The following MET variants were observed in gnomAD, a reference collection of about 807,000 sequenced individuals.
MET encodes MET proto-oncogene, receptor tyrosine kinase.
In MET, 48 loss-of-function variants were observed where a neutral mutation model predicts 133.1. The ratio of observed to expected loss-of-function variants is 0.36; its 90% CI spans 0.29 to 0.46. The LOEUF (loss-of-function observed/expected upper bound fraction) is 0.46. Among genes scored for constraint, MET ranks in the 20% least tolerant of loss-of-function variants. The pLI is 1.00. For synonymous variants in MET, 628 were observed against 616.5 expected (o/e 1.02, Z -0.28); for missense variants, 1,442 against 1,695.9 (o/e 0.85, Z 2.63).
At chr7:116,754,923 G>GA (rs768842447) in intron 5 of MET, among the ~76,000 whole-genome samples, 4 of 142,276 alleles carry the variant, frequency 2.8e-5, no homozygotes, top group African/African-American at 1.0e-4. Flanking sequence ...AAGAAAGAAA[G>GA]AAAGAAAGAA....
At chr7:116,754,893 G>GAGAAAGATAGAAAGAA (rs1794071292) in intron 5 of MET, among the ~76,000 whole-genome samples, 3 of 97,446 alleles carry the variant, frequency 3.1e-5, no homozygotes, top group Admixed American at 2.5e-4. Flanking sequence ...GAGAGAAAGA[G>GAGAAAGATAGAAAGAA]AGAAAGAAAG....
At chr7:116,770,787 A>T (rs534864019) in intron 12 of MET, among the ~76,000 whole-genome samples, 29 of 152,262 alleles carry the variant, frequency 1.9e-4, no homozygotes, top group African/African-American at 7.0e-4. Flanking sequence ...CTTTTTGTGG[A>T]TGAATAATAT....
intron 2 of MET, among the ~76,000 whole-genome samples, chr7:116,729,249 G>T (rs1040175213): frequency 1.3e-5 from 2 of 152,170 alleles, no homozygotes; most frequent in Non-Finnish European, 1.5e-5. Flanking sequence ...CAAAGTAAAT[G>T]ACTAGACCTA....
intron 2 of MET, among the ~76,000 whole-genome samples, chr7:116,715,307 G>A: frequency 6.6e-6 from 1 of 152,218 alleles, no homozygotes; most frequent in East Asian, 1.9e-4. Context: ...TCCCTCTGGA[G>A]GCTCTAGGGA....
At chr7:116,717,902 TA>T (rs1327033566) in intron 2 of MET, among the ~76,000 whole-genome samples, 4 of 152,028 alleles carry the variant, frequency 2.6e-5, no homozygotes, top group Non-Finnish European at 4.4e-5. Context: ...TTTCTTTTTA[TA>T]AAAAAAGCTA....
chr7:116,731,032 G>C (rs1313150532), intron 2 of MET, among the ~76,000 whole-genome samples: 1 of 152,092 alleles, frequency 6.6e-6, no homozygotes, highest in Non-Finnish European at 1.5e-5. Context: ...AGCTCTATAA[G>C]GTAAGTACTA....
At chr7:116,767,975 T>A (rs1203117590) in intron 11 of MET, among the ~76,000 whole-genome samples, 1 of 52,694 alleles carries the variant, frequency 1.9e-5, no homozygotes, top group African/African-American at 9.1e-5. Flanking sequence ...TATATATATA[T>A]GTGTGTGTGT....
rs147691094 is a variant in MET at position 116,762,455 on chromosome 7, A to T, written c.2365-595A>T. On this transcript the variant is annotated intron_variant, in intron 10 of 20. Transcript: ENST00000397752. The stretch of plus-strand genomic sequence containing the variant: ...TAAAGTATTTTGCACAGAACCTGGC[A>T]TTCAATAATTAATAGCTTAAAAGAC... Among the ~76,000 whole-genome samples the T allele has an allele frequency of 7.7e-3, 1,180 of 152,342 alleles. 20 individuals are homozygous for T. The highest frequency in any genetic ancestry group is 0.026 in the African/African-American group (1,091 of 41,578).
At chr7:116,687,682 C>G (rs1172919110) in intron 1 of MET, among the ~76,000 whole-genome samples, 1 of 152,188 alleles carries the variant, frequency 6.6e-6, no homozygotes, top group African/African-American at 2.4e-5. Context: ...TTAGTTCATA[C>G]CAGTGTCAGA....
intron 2 of MET, among the ~76,000 whole-genome samples, chr7:116,727,135 G>C (rs530304125): frequency 6.6e-6 from 1 of 152,300 alleles, no homozygotes; most frequent in East Asian, 1.9e-4. Context: ...TATCTCTGCT[G>C]TTTCCAGAAA....
intron 1 of MET, among the ~76,000 whole-genome samples, chr7:116,694,978 C>T (rs1391865462): frequency 6.6e-6 from 1 of 152,142 alleles, no homozygotes; most frequent in African/African-American, 2.4e-5. Flanking sequence ...TTTGAAGGCT[C>T]CTTCAAAAAG....
intron 1 of MET, among the ~76,000 whole-genome samples, chr7:116,688,738 T>C (rs557699703): frequency 6.6e-6 from 1 of 152,354 alleles, no homozygotes; most frequent in East Asian, 1.9e-4. Flanking sequence ...ATCTTTACTC[T>C]TGCCATATCA....
chr7:116,769,847 T>C (rs760663148), intron 12 of MET, 56 bp downstream of exon 12: 2 of 1,610,260 alleles, frequency 1.2e-6, no homozygotes, highest in East Asian at 2.2e-5. Context: ...GTAATTATGT[T>C]ATTCTCAGGC....
intron 2 of MET, among the ~76,000 whole-genome samples, chr7:116,722,535 T>G (rs1792536365): frequency 6.6e-6 from 1 of 151,886 alleles, no homozygotes; most frequent in African/African-American, 2.4e-5. Context: ...TGATGTTAGC[T>G]GGTTATTTTG....
chr7:116,784,526 G>A (rs971963609), intron 19 of MET, among the ~76,000 whole-genome samples: 1 of 152,136 alleles, frequency 6.6e-6, no homozygotes, highest in Non-Finnish European at 1.5e-5. Context: ...CATTTTACAT[G>A]GCAGGAGCAG....
intron 15 of MET, among the ~76,000 whole-genome samples, chr7:116,776,358 G>C (rs1210094777): frequency 6.6e-6 from 1 of 152,100 alleles, no homozygotes; most frequent in African/African-American, 2.4e-5. Context: ...GTAATATATA[G>C]TTCTGTCATA....
rs560658903 is a variant in MET at position 116,691,585 on chromosome 7, C to T, written c.-14-7486C>T. ...TGGCTCGCCTTAGCTTAAGACATGG[C>T]TGGATACAGATGCTCAGACAATCAC... On this transcript the variant is annotated intron_variant, in intron 1 of 20. Coordinates refer to ENST00000397752, the MANE Select transcript of MET (RefSeq NM_000245.4). 2.4e-4 allele frequency among the ~76,000 whole-genome samples: 37 copies of T among 152,242 alleles called. 1 individual carries two copies. In the South Asian group the frequency reaches 7.5e-3, roughly 31 times the overall value.
chr7:116,740,102 G>C lies in MET; in HGVS notation c.1527+18G>C, dbSNP rs1320813311. 6.2e-7 allele frequency: 1 copy of C among 1,613,792 alleles called. No homozygotes were observed. Among genetic ancestry groups the C allele is most frequent in the Non-Finnish European group, 8.5e-7 (1 of 1,179,822 alleles). ...GGAAGAAGGTAAGCTGTTCCCACAGGGAATTTCCATAGACGTGGTTTTTCC... is the reference window on the plus strand; with the variant it reads ...GGAAGAAGGTAAGCTGTTCCCACAGCGAATTTCCATAGACGTGGTTTTTCC... On this transcript the variant is annotated intron_variant, in intron 4 of 20. Transcript: ENST00000397752.
At chr7:116,679,588 A>G (rs898267104) in intron 1 of MET, among the ~76,000 whole-genome samples, 2 of 152,202 alleles carry the variant, frequency 1.3e-5, no homozygotes, top group Admixed American at 1.3e-4. Context: ...GCTTGTATGT[A>G]TAAGCAAGAG....
Sources: gnomAD v4.1 joint callset for allele counts (sites outside exome capture counted in the v4.1 genomes callset) on GRCh38, gnomAD v4.1.1 for gene constraint, MANE v1.5 for transcripts, NCBI Gene and HGNC (gene_info 2026-07-23, HGNC 2026-07-21) for gene names.